The following TBC1D32 variants were observed in gnomAD, a reference collection of about 807,000 sequenced individuals.
TBC1D32 encodes protein broad-minded.
Under a neutral mutation model 170.3 loss-of-function variants are expected in TBC1D32, and 151 were observed. The ratio of observed to expected loss-of-function variants is 0.89; its 90% CI spans 0.78 to 1.01. TBC1D32 has a LOEUF of 1.01. TBC1D32 is among the 50% of genes least tolerant of loss of function. The pLI, the probability that TBC1D32 is intolerant of heterozygous loss-of-function variation, is 0.00. For missense variants in TBC1D32, 1,464 were observed against 1,457.1 expected, an observed-to-expected ratio of 1.00 and a Z score of -0.08; for synonymous variants, 498 against 488.0, an observed-to-expected ratio of 1.02 and a Z score of -0.27.
intron 21 of TBC1D32, among the ~76,000 whole-genome samples, chr6:121,219,655 C>T (rs1026011340): frequency 1.3e-5 from 2 of 152,216 alleles, no homozygotes; most frequent in African/African-American, 4.8e-5. Flanking sequence ...GTGGGAAATA[C>T]AGGCACATAA....
intron 20 of TBC1D32, among the ~76,000 whole-genome samples, chr6:121,229,406 G>C (rs747863723): frequency 5.3e-5 from 8 of 152,156 alleles, no homozygotes; most frequent in Middle Eastern, 3.4e-3. Flanking sequence ...CATTTGACCT[G>C]TAAAGTTTCC....
At chr6:121,256,968 G>A (rs752196793) in intron 15 of TBC1D32, among the ~76,000 whole-genome samples, 52 of 152,022 alleles carry the variant, frequency 3.4e-4, no homozygotes, top group Non-Finnish European at 5.1e-4. Context: ...CACCATGCCC[G>A]GCCGGCTGAG....
intron 21 of TBC1D32, among the ~76,000 whole-genome samples, chr6:121,221,313 G>C (rs1366086048): frequency 6.6e-6 from 1 of 152,146 alleles, no homozygotes; most frequent in Non-Finnish European, 1.5e-5. Flanking sequence ...AACACAACAG[G>C]TCACCTAAGA....
chr6:121,092,409 CTT>C (rs1310790972), intron 30 of TBC1D32, among the ~76,000 whole-genome samples: 2 of 141,828 alleles, frequency 1.4e-5, no homozygotes, highest in East Asian at 2.2e-4. Context: ...ACAAAATTTC[CTT>C]TTGTTTTCTA....
At chr6:121,327,400 C>G (rs1182143435) in intron 1 of TBC1D32, among the ~76,000 whole-genome samples, 2 of 152,188 alleles carry the variant, frequency 1.3e-5, no homozygotes, top group Non-Finnish European at 2.9e-5. Flanking sequence ...AAATCTATAT[C>G]TAATCCCAAA....
intron 11 of TBC1D32, among the ~76,000 whole-genome samples, chr6:121,293,676 C>T (rs1177729682): frequency 6.6e-6 from 1 of 152,070 alleles, no homozygotes; most frequent in Admixed American, 6.6e-5. Context: ...CTTTGGGAGG[C>T]CAAGGTGGGT....
At chr6:121,098,988 C>T (rs1176820564) in intron 30 of TBC1D32, among the ~76,000 whole-genome samples, 2 of 151,948 alleles carry the variant, frequency 1.3e-5, no homozygotes, top group Non-Finnish European at 2.9e-5. Flanking sequence ...CATTCATATC[C>T]TGCTTTGCAT....
intron 30 of TBC1D32, among the ~76,000 whole-genome samples, chr6:121,098,716 A>G (rs1003895576): frequency 1.3e-5 from 2 of 152,064 alleles, no homozygotes; most frequent in Non-Finnish European, 2.9e-5. Context: ...TTCTACTAAA[A>G]GAGGGGTACA....
chr6:121,241,364 A>G (rs1796965886), intron 19 of TBC1D32, 101 bp downstream of exon 19: 2 of 962,212 alleles, frequency 2.1e-6, no homozygotes, highest in African/African-American at 3.3e-5. Context: ...AGAATTTTAG[A>G]GTAAATATCC....
intron 21 of TBC1D32, among the ~76,000 whole-genome samples, chr6:121,221,371 T>C (rs1791051441): frequency 6.6e-6 from 1 of 152,238 alleles, no homozygotes; most frequent in African/African-American, 2.4e-5. Flanking sequence ...TTGTGCCTGC[T>C]AACATAACAT....
chr6:121,247,150 G>A (rs1320722265), intron 17 of TBC1D32, among the ~76,000 whole-genome samples: 1 of 152,072 alleles, frequency 6.6e-6, no homozygotes, highest in Non-Finnish European at 1.5e-5. Context: ...CAAGCCAGAA[G>A]GAACTGGGGT....
rs766033413 is a variant in TBC1D32 at position 121,281,689 on chromosome 6, A to C, written c.1466-3T>G. On this transcript the variant is annotated splice_polypyrimidine_tract_variant and splice_region_variant and intron_variant, in intron 13 of 31. Transcript: ENST00000398212. The stretch of plus-strand genomic sequence containing the variant: ...CATACTTGCAGGAGAGTAATTCTCT[A>C]ATAAACAATAAATATTTTTTAATAC... The C allele has an allele frequency of 7.6e-6, 12 of 1,568,682 alleles. No homozygotes were observed. The highest frequency in any genetic ancestry group is 7.8e-6 in the Non-Finnish European group (9 of 1,157,964).
At chr6:121,222,632 A>G (rs927683000) in intron 21 of TBC1D32, among the ~76,000 whole-genome samples, 1 of 151,930 alleles carries the variant, frequency 6.6e-6, no homozygotes, top group African/African-American at 2.4e-5. Flanking sequence ...AAGAATGATC[A>G]ATAATAAAAT....
chr6:121,291,908 T>G, intron 12 of TBC1D32, 145 bp downstream of exon 12: 1 of 794,474 alleles, frequency 1.3e-6, no homozygotes, highest in Non-Finnish European at 1.7e-6. Flanking sequence ...AACAAATACT[T>G]CAAAGTGTAT....
In TBC1D32 at chr6:121,189,271, A is replaced by G. The variant is rs912119324; in HGVS notation, c.2570+15804T>C. Among the ~76,000 whole-genome samples, 13 of 152,142 alleles carry G rather than the reference A, an allele frequency of 8.5e-5. No homozygotes were observed. In the South Asian group the frequency reaches 1.5e-3, roughly 17 times the overall value. On this transcript the variant is annotated intron_variant, in intron 22 of 31. Coordinates refer to ENST00000398212, the MANE Select transcript of TBC1D32 (RefSeq NM_152730.6). ...TCAGGAACAAATCACAGCATACTCA[A>G]TCAGAACTTCAGGGCAAAGAATTAT...
intron 12 of TBC1D32, among the ~76,000 whole-genome samples, chr6:121,287,285 T>G (rs560219700): frequency 1.5e-4 from 23 of 151,878 alleles, no homozygotes; most frequent in Middle Eastern, 3.4e-3. Context: ...ACACATAGGC[T>G]GAAAATAAAA....
chr6:121,293,304 T>C (rs1805145270), intron 11 of TBC1D32, among the ~76,000 whole-genome samples: 2 of 152,162 alleles, frequency 1.3e-5, no homozygotes, highest in Admixed American at 6.5e-5. Flanking sequence ...TATGAACTTA[T>C]ATGTCCTTTT....
chr6:121,117,572 C>T (rs1779812124), intron 26 of TBC1D32, among the ~76,000 whole-genome samples: 1 of 151,908 alleles, frequency 6.6e-6, no homozygotes, highest in South Asian at 2.1e-4. Flanking sequence ...CGTGGTGGCA[C>T]ATGTCTGTAA....
At chr6:121,162,063 C>T (rs1297727090) in intron 22 of TBC1D32, among the ~76,000 whole-genome samples, 1 of 152,074 alleles carries the variant, frequency 6.6e-6, no homozygotes, top group Non-Finnish European at 1.5e-5. Flanking sequence ...GTTTACATTC[C>T]TTGTACATGC....
Sources: gnomAD v4.1 joint callset for allele counts (sites outside exome capture counted in the v4.1 genomes callset) on GRCh38, gnomAD v4.1.1 for gene constraint, MANE v1.5 for transcripts, NCBI Gene and HGNC (gene_info 2026-07-23, HGNC 2026-07-21) for gene names.